The following CYBB variants were observed in gnomAD, a reference collection of about 807,000 sequenced individuals.
CYBB encodes cytochrome b-245 beta chain.
Under a neutral mutation model 46.5 loss-of-function variants are expected in CYBB, and 5 were observed. That is an observed-to-expected ratio of 0.11 (90% confidence interval 0.06 to 0.23). The LOEUF (loss-of-function observed/expected upper bound fraction) is 0.23. Ranked by LOEUF, CYBB falls within the 10% of genes least tolerant of loss-of-function variation. The pLI is 1.00. For synonymous variants in CYBB, 183 were observed against 156.7 expected, an observed-to-expected ratio of 1.17 and a Z score of -1.26; for missense variants, 307 against 428.3, an observed-to-expected ratio of 0.72 and a Z score of 2.50.
Position 37,793,718 on chromosome X carries a change from G to A in CYBB, c.391G>A (p.Val131Ile). The A allele has an allele frequency of 8.3e-7, 1 of 1,207,621 alleles. No individual in the cohort carries two copies. The highest frequency in any genetic ancestry group is 1.1e-6 in the Non-Finnish European group (1 of 892,432). Residue 131 changes from valine (V) to isoleucine (I), a missense_variant, in exon 5 of 13, where the codon GTC becomes ATC. Transcript: ENST00000378588. ...FNVEWCVNARVNNSDPYSVAL... is the reference protein window; with the variant it reads ...FNVEWCVNARINNSDPYSVAL... ...TGTGGAATGGTGTGTGAATGCCCGA[G>A]TCAATAATTCTGATCCTTATTCAGT...
intron 12 of CYBB, 51 bp from the exon 13 acceptor site, chrX:37,810,740 A>C (rs778126374): frequency 8.5e-7 from 1 of 1,177,797 alleles, no homozygotes; most frequent in Admixed American, 2.2e-5. Flanking sequence ...CCTGCTTTGT[A>C]GACATCTCAT....
chrX:37,801,216 C>A, intron 7 of CYBB, 40 bp from the exon 8 acceptor site: 1 of 954,410 alleles, frequency 1.0e-6, no homozygotes, highest in Non-Finnish European at 1.5e-6. Context: ...TATCTATTAC[C>A]ACTTAATGTA....
chrX:37,788,262 G>C (rs368948556), intron 3 of CYBB, among the ~76,000 whole-genome samples: 1 of 111,687 alleles, frequency 9.0e-6, no homozygotes, highest in African/African-American at 3.3e-5. Context: ...TAAATTCGGC[G>C]TGCAGGAGCC....
In CYBB at chrX:37,811,760, C is replaced by T. The variant is rs904701331; in HGVS notation, c.*843C>T. ...TGTCATAGACCAAAGGAATCTGATT[C>T]TCCCTAGGGTCAAGAACAGGCTAAG... On this transcript the variant is annotated 3_prime_UTR_variant, in exon 13 of 13. Transcript: ENST00000378588. 4 of 112,029 alleles carry T rather than the reference C, an allele frequency of 3.6e-5. No individual in the cohort carries two copies. The highest frequency in any genetic ancestry group is 9.7e-5 in the African/African-American group (3 of 30,781). The allele number at this position is 112,029 out of a possible 1,213,427, so 9.2% of individuals were successfully genotyped here.
intron 3 of CYBB, 75 bp from the exon 4 acceptor site, chrX:37,791,900 T>G (rs994561671): frequency 1.4e-6 from 1 of 722,588 alleles, no homozygotes; most frequent in Non-Finnish European, 2.2e-6. Context: ...TGAGATAATA[T>G]GTATCAAATG....
At chrX:37,783,935 C>T (rs1929007170) in intron 3 of CYBB, among the ~76,000 whole-genome samples, 1 of 111,339 alleles carries the variant, frequency 9.0e-6, no homozygotes, top group Admixed American at 9.6e-5. Flanking sequence ...CATGTGATAT[C>T]TGGGAGTTAA....
At chrX:37,805,867 C>T (rs1001124584) in intron 10 of CYBB, among the ~76,000 whole-genome samples, 2 of 111,941 alleles carry the variant, frequency 1.8e-5, no homozygotes, top group Admixed American at 9.5e-5. Context: ...AAACCTCAGG[C>T]CATTCTAATA....
At chrX:37,789,870 G>T (rs1352392306) in intron 3 of CYBB, among the ~76,000 whole-genome samples, 1 of 111,994 alleles carries the variant, frequency 8.9e-6, no homozygotes, top group Non-Finnish European at 1.9e-5. Context: ...CAATGCATTG[G>T]TGCTCCACCA....
intron 3 of CYBB, among the ~76,000 whole-genome samples, chrX:37,786,188 T>C (rs1410079382): frequency 8.9e-6 from 1 of 112,044 alleles, no homozygotes; most frequent in Non-Finnish European, 1.9e-5. Context: ...CTGTAACTAA[T>C]GTTGGAAATC....
In CYBB at chrX:37,810,976, T is replaced by C; in HGVS notation, c.*59T>C. On this transcript the variant is annotated 3_prime_UTR_variant, in exon 13 of 13. Coordinates refer to ENST00000378588, the MANE Select transcript of CYBB (RefSeq NM_000397.4). The stretch of plus-strand genomic sequence containing the variant: ...GTGCTGCCAAATGCTCAAATAATGC[T>C]AATTGATAATATAAATACCCCCTGC... 1 of 1,047,696 alleles carries C rather than the reference T, an allele frequency of 9.5e-7. No homozygotes were observed. Among genetic ancestry groups the C allele is most frequent in the Non-Finnish European group, 1.3e-6 (1 of 754,617 alleles). The allele number at this position is 1,047,696 out of a possible 1,213,427, so 86.3% of individuals were successfully genotyped here.
chrX:37,796,534 G>T (rs1357350852), intron 6 of CYBB, among the ~76,000 whole-genome samples: 1 of 111,425 alleles, frequency 9.0e-6, no homozygotes, highest in Non-Finnish European at 1.9e-5. Flanking sequence ...GAAGAGGTTT[G>T]TTATAGTTCA....
intron 1 of CYBB, among the ~76,000 whole-genome samples, chrX:37,780,920 A>G (rs1434507567): frequency 2.7e-5 from 3 of 111,870 alleles, no homozygotes; most frequent in African/African-American, 9.7e-5. Context: ...TAGCCTTTCT[A>G]AATAACCAAT....
chrX:37,796,529 G>A (rs1556468507), intron 6 of CYBB, among the ~76,000 whole-genome samples: 1 of 111,245 alleles, frequency 9.0e-6, no homozygotes, highest in Non-Finnish European at 1.9e-5. Flanking sequence ...CAGTTGAAGA[G>A]GTTTGTTATA....
At chrX:37,803,797 C>T (rs1027269684) in intron 8 of CYBB, 80 bp from the exon 9 acceptor site, 234 of 1,074,805 alleles carry the variant, frequency 2.2e-4, no homozygotes, top group Non-Finnish European at 4.2e-5. Context: ...CAATTTAGCT[C>T]AGTTTTTTAT....
At chrX:37,800,832 A>G (rs894858686) in intron 7 of CYBB, among the ~76,000 whole-genome samples, 12 of 112,524 alleles carry the variant, frequency 1.1e-4, no homozygotes, top group Non-Finnish European at 3.8e-5. Context: ...TGTCACTGTG[A>G]CTACATAACT....
chrX:37,808,901 T>C (rs1481760869), intron 11 of CYBB, among the ~76,000 whole-genome samples: 3 of 112,417 alleles, frequency 2.7e-5, no homozygotes, highest in Admixed American at 1.9e-4. Flanking sequence ...TCTATGACCA[T>C]CATCCATCTA....
intron 4 of CYBB, 59 bp from the exon 5 acceptor site, chrX:37,793,606 T>G (rs1929241057): frequency 2.6e-6 from 3 of 1,162,117 alleles, no homozygotes; most frequent in Non-Finnish European, 1.2e-6. Flanking sequence ...GAAACCCAGC[T>G]TACAATAAAT....
intron 3 of CYBB, among the ~76,000 whole-genome samples, chrX:37,790,184 C>T (rs1929167298): frequency 8.9e-6 from 1 of 112,018 alleles, no homozygotes; most frequent in Non-Finnish European, 1.9e-5. Context: ...CTGGTGTGAT[C>T]GAGCCCAATG....
At chrX:37,793,162 TC>T (rs1929232732) in intron 4 of CYBB, among the ~76,000 whole-genome samples, 1 of 106,805 alleles carries the variant, frequency 9.4e-6, no homozygotes, top group South Asian at 4.2e-4. Flanking sequence ...ACAGAGAGAT[TC>T]ATACCTTATG....
Sources: allele counts gnomAD v4.1 joint callset (sites outside exome capture counted in the v4.1 genomes callset), GRCh38; gene constraint gnomAD v4.1.1; transcripts MANE v1.5; gene names NCBI Gene and HGNC (gene_info 2026-07-23, HGNC 2026-07-21).